Variants in GALNT13 observed in about 807,000 individuals in gnomAD.
GALNT13 encodes the protein UDP-GalNAc:polypeptide N-acetylgalactosaminyltransferase 13.
A neutral mutation model predicts 64.2 loss-of-function variants in GALNT13; 28 were observed. The ratio of observed to expected loss-of-function variants is 0.44; its 90% CI spans 0.32 to 0.60. GALNT13 has a LOEUF of 0.60. Among genes scored for constraint, GALNT13 ranks in the 20% least tolerant of loss-of-function variants. The pLI, the probability that GALNT13 is intolerant of heterozygous loss-of-function variation, is 0.05. For missense variants in GALNT13, 577 were observed against 669.8 expected, an observed-to-expected ratio of 0.86 and a Z score of 1.53; for synonymous variants, 214 against 224.6, an observed-to-expected ratio of 0.95 and a Z score of 0.42.
intron 3 of GALNT13, among the ~76,000 whole-genome samples, chr2:153,962,207 C>T (rs1692994230): frequency 6.6e-6 from 1 of 152,140 alleles, no homozygotes; most frequent in East Asian, 1.9e-4. Context: ...CCTTCAGAAC[C>T]TGCCTTATGT....
At chr2:153,800,246 CT>C in the GALNT13 span, among the ~76,000 whole-genome samples, 24 of 152,156 alleles carry the variant, frequency 1.6e-4, no homozygotes, top group South Asian at 4.2e-4. Context: ...CTACACTGTA[CT>C]TTTTTATGTG....
At chr2:153,772,282 C>A in the GALNT13 span, among the ~76,000 whole-genome samples, 1 of 152,232 alleles carries the variant, frequency 6.6e-6, no homozygotes, top group East Asian at 1.9e-4. Flanking sequence ...CCTCTCAGTT[C>A]TGGGCATCGG....
the GALNT13 span, among the ~76,000 whole-genome samples, chr2:153,362,034 C>T: frequency 5.3e-5 from 8 of 152,094 alleles, no homozygotes; most frequent in Non-Finnish European, 8.8e-5. Context: ...CAGTAGAAAC[C>T]GTACAAGCCA....
rs140161175 is a variant in GALNT13 at position 153,916,962 on chromosome 2, T to A, written c.-105+15955T>A. Among the ~76,000 whole-genome samples the A allele has an allele frequency of 4.0e-3, 616 of 152,292 alleles. 3 individuals are homozygous for A. The highest frequency in any genetic ancestry group is 0.014 in the African/African-American group (589 of 41,572). ...ATGTAATGTCAAACCAAGAAATAGA[T>A]AAGAATTTAAAGGTTTCTCTTTAAC... On this transcript the variant is annotated intron_variant, in intron 2 of 12. Transcript: ENST00000392825.
At chr2:153,289,882 T>A in the GALNT13 span, among the ~76,000 whole-genome samples, 2 of 152,146 alleles carry the variant, frequency 1.3e-5, no homozygotes, top group Non-Finnish European at 2.9e-5. Context: ...ACATGTTTTC[T>A]TATATTGAGA....
the GALNT13 span, among the ~76,000 whole-genome samples, chr2:153,741,098 C>A: frequency 4.6e-5 from 7 of 152,100 alleles, no homozygotes; most frequent in Admixed American, 2.6e-4. Context: ...ATTTCTCCAG[C>A]TTCTTCTATC....
At chr2:153,557,693 A>G in the GALNT13 span, among the ~76,000 whole-genome samples, 1 of 152,158 alleles carries the variant, frequency 6.6e-6, no homozygotes, top group African/African-American at 2.4e-5. Context: ...AACATCCTTC[A>G]ATTGGCTGTC....
chr2:154,372,216 C>T (rs1697734333), intron 9 of GALNT13, among the ~76,000 whole-genome samples: 1 of 152,018 alleles, frequency 6.6e-6, no homozygotes, highest in East Asian at 1.9e-4. Flanking sequence ...CTCCAGAATC[C>T]ACCAAATTGA....
intron 3 of GALNT13, among the ~76,000 whole-genome samples, chr2:154,090,652 G>A (rs1262802277): frequency 6.6e-6 from 1 of 151,932 alleles, no homozygotes; most frequent in East Asian, 1.9e-4. Flanking sequence ...TCAGAGTCAG[G>A]AAATCGCTTC....
chr2:153,284,959 A>G, the GALNT13 span, among the ~76,000 whole-genome samples: 1 of 151,912 alleles, frequency 6.6e-6, no homozygotes, highest in Non-Finnish European at 1.5e-5. Context: ...GCATATGTGC[A>G]TTCATGTACA....
At chr2:153,237,242 G>A in the GALNT13 span, among the ~76,000 whole-genome samples, 3 of 151,756 alleles carry the variant, frequency 2.0e-5, no homozygotes, top group Non-Finnish European at 4.4e-5. Flanking sequence ...ATATTTATGG[G>A]GTACATGAGA....
the GALNT13 span, among the ~76,000 whole-genome samples, chr2:153,709,793 T>C: frequency 6.6e-6 from 1 of 152,040 alleles, no homozygotes; most frequent in South Asian, 2.1e-4. Flanking sequence ...ATATATGTAA[T>C]GAAATAATAT....
chr2:153,842,748 A>G, the GALNT13 span, among the ~76,000 whole-genome samples: 1 of 152,090 alleles, frequency 6.6e-6, no homozygotes, highest in Non-Finnish European at 1.5e-5. Context: ...ACACATGCAC[A>G]CACACACACA....
the GALNT13 span, among the ~76,000 whole-genome samples, chr2:153,493,786 A>G: frequency 1.3e-5 from 2 of 152,020 alleles, no homozygotes; most frequent in African/African-American, 2.4e-5. Flanking sequence ...AGGAAAATAT[A>G]TTGGACCAAG....
chr2:153,322,818 G>C, the GALNT13 span, among the ~76,000 whole-genome samples: 1 of 152,096 alleles, frequency 6.6e-6, no homozygotes, highest in Non-Finnish European at 1.5e-5. Context: ...TTTCTGCAAA[G>C]GACATGAACT....
the GALNT13 span, among the ~76,000 whole-genome samples, chr2:153,567,059 C>G: frequency 6.6e-6 from 1 of 152,030 alleles, no homozygotes; most frequent in Non-Finnish European, 1.5e-5. Context: ...TTGGTTGACT[C>G]TTTTGCTTTT....
At chr2:154,190,719 C>T (rs1051877707) in intron 4 of GALNT13, among the ~76,000 whole-genome samples, 2 of 152,156 alleles carry the variant, frequency 1.3e-5, no homozygotes, top group African/African-American at 4.8e-5. Flanking sequence ...TCAAATAGTG[C>T]AAACTTGTCC....
chr2:154,080,758 A>G (rs1272157091), intron 3 of GALNT13, among the ~76,000 whole-genome samples: 1 of 151,628 alleles, frequency 6.6e-6, no homozygotes, highest in Non-Finnish European at 1.5e-5. Flanking sequence ...ATGCACAATT[A>G]TGTCAGTGAT....
At position 154,045,546 on chromosome 2, in the gene GALNT13, T is replaced by C. The variant is rs140719555; in HGVS notation, c.143-94791T>C. 7.5e-3 allele frequency among the ~76,000 whole-genome samples: 1,140 copies of C among 152,284 alleles called. 14 individuals carry two copies. The highest frequency in any genetic ancestry group is 0.026 in the African/African-American group (1,089 of 41,558). ...ATCTTTCCATTTCTTTCTTTTCTCT[T>C]TGTTTCTGCTAACCTGCTGAGGAGG... On this transcript the variant is annotated intron_variant, in intron 3 of 12. Transcript: ENST00000392825.
Sources: gnomAD v4.1 joint callset for allele counts (sites outside exome capture counted in the v4.1 genomes callset) on GRCh38, gnomAD v4.1.1 for gene constraint, MANE v1.5 for transcripts, NCBI Gene and HGNC (gene_info 2026-07-23, HGNC 2026-07-21) for gene names.